The following PAK5 variants were observed in gnomAD, a reference collection of about 807,000 sequenced individuals.
PAK5 encodes the protein serine/threonine-protein kinase PAK 5.
A neutral mutation model predicts 65.9 loss-of-function variants in PAK5; 16 were observed. The ratio of observed to expected loss-of-function variants is 0.24; its 90% CI spans 0.16 to 0.37. The LOEUF is 0.37. Among genes scored for constraint, PAK5 ranks in the 10% least tolerant of loss-of-function variants. The pLI is 1.00. For missense variants in PAK5, 785 were observed against 903.9 expected, an observed-to-expected ratio of 0.87 and a Z score of 1.69; for synonymous variants, 371 against 354.9, an observed-to-expected ratio of 1.05 and a Z score of -0.51.
chr20:9,828,613 G>A (rs754828004), intron 1 of PAK5, among the ~76,000 whole-genome samples: 1 of 152,140 alleles, frequency 6.6e-6, no homozygotes, highest in African/African-American at 2.4e-5. Context: ...CAACACAGCT[G>A]ACAGCTAAAA....
intron 3 of PAK5, among the ~76,000 whole-genome samples, chr20:9,587,297 C>T (rs1003363754): frequency 1.3e-5 from 2 of 152,080 alleles, no homozygotes; most frequent in African/African-American, 4.8e-5. Flanking sequence ...CTATTAGTAA[C>T]TTTAGATACA....
chr20:9,627,752 G>A lies in PAK5; in HGVS notation c.204+16373C>T, dbSNP rs147385958. 2.7e-3 allele frequency among the ~76,000 whole-genome samples: 407 copies of A among 151,810 alleles called. 2 individuals are homozygous for A. The highest frequency in any genetic ancestry group is 9.0e-3 in the African/African-American group (372 of 41,398). ...AGTGATTCTCCTGCCTCAGCCTCCC[G>A]AGTAGCTGGGATTACAGGTGCCCGC... On this transcript the variant is annotated intron_variant, in intron 3 of 9. Coordinates refer to ENST00000353224, the MANE Select transcript of PAK5 (RefSeq NM_177990.4).
At chr20:9,657,833 C>A (rs1047664912) in intron 2 of PAK5, among the ~76,000 whole-genome samples, 2 of 152,146 alleles carry the variant, frequency 1.3e-5, no homozygotes, top group Non-Finnish European at 2.9e-5. Context: ...AAATGATTTG[C>A]CTTGTTCAAG....
chr20:9,829,091 A>G (rs1978506716), intron 1 of PAK5, among the ~76,000 whole-genome samples: 1 of 152,204 alleles, frequency 6.6e-6, no homozygotes, highest in Non-Finnish European at 1.5e-5. Flanking sequence ...AAATCCCACA[A>G]CTGGACATCT....
chr20:9,595,562 A>T (rs989411901), intron 3 of PAK5, among the ~76,000 whole-genome samples: 3 of 152,222 alleles, frequency 2.0e-5, no homozygotes, highest in Non-Finnish European at 4.4e-5. Context: ...AAAGCAAAAC[A>T]CACACATCAG....
chr20:9,629,726 A>G (rs1411133106), intron 3 of PAK5, among the ~76,000 whole-genome samples: 2 of 152,240 alleles, frequency 1.3e-5, no homozygotes, highest in East Asian at 1.9e-4. Context: ...TCTTTAAACA[A>G]TGTCACATTG....
intron 8 of PAK5, among the ~76,000 whole-genome samples, chr20:9,543,537 G>T (rs1453201362): frequency 6.6e-6 from 1 of 151,912 alleles, no homozygotes; most frequent in African/African-American, 2.4e-5. Context: ...CTCATCCAAG[G>T]TCAAGCAAAC....
At chr20:9,634,983 G>C (rs1297793447) in intron 3 of PAK5, among the ~76,000 whole-genome samples, 1 of 152,094 alleles carries the variant, frequency 6.6e-6, no homozygotes, top group Non-Finnish European at 1.5e-5. Context: ...CTCCCGCTGA[G>C]GGCCTTGGTT....
chr20:9,748,120 A>G (rs930632687), intron 1 of PAK5, among the ~76,000 whole-genome samples: 2 of 152,070 alleles, frequency 1.3e-5, no homozygotes, highest in African/African-American at 4.8e-5. Flanking sequence ...CTAGGAATCC[A>G]ACTTACAAGG....
At chr20:9,769,682 T>TA in intron 1 of PAK5, among the ~76,000 whole-genome samples, 1 of 152,364 alleles carries the variant, frequency 6.6e-6, no homozygotes, top group South Asian at 2.1e-4. Flanking sequence ...AGCTATGGGC[T>TA]AGAGAGCACA....
At chr20:9,571,172 G>T (rs1014805904) in intron 4 of PAK5, among the ~76,000 whole-genome samples, 6 of 152,214 alleles carry the variant, frequency 3.9e-5, no homozygotes, top group African/African-American at 1.4e-4. Flanking sequence ...CAAGTGAGGG[G>T]ACATGTAGTC....
At chr20:9,812,159 G>A (rs761588324) in intron 1 of PAK5, among the ~76,000 whole-genome samples, 15 of 151,978 alleles carry the variant, frequency 9.9e-5, no homozygotes, top group Non-Finnish European at 8.8e-5. Flanking sequence ...TAGGAAGACA[G>A]CATTAAAATA....
chr20:9,617,533 C>T (rs1439763788), intron 3 of PAK5, among the ~76,000 whole-genome samples: 1 of 151,022 alleles, frequency 6.6e-6, no homozygotes, highest in African/African-American at 2.4e-5. Context: ...AGGGATGAGA[C>T]CCAAGAATCC....
rs111720875 is a variant in PAK5 at position 9,834,078 on chromosome 20, T to C, written c.-162+4684A>G. On this transcript the variant is annotated intron_variant, in intron 1 of 9. Coordinates refer to ENST00000353224, the MANE Select transcript of PAK5 (RefSeq NM_177990.4). ...TTAGGCTTTAATTGATCCCATTGTG[T>C]ATCCATCACTTTTAAACAAAATCAA... Among the ~76,000 whole-genome samples, 906 of 152,342 alleles carry C rather than the reference T, an allele frequency of 5.9e-3. 7 individuals carry two copies. Among genetic ancestry groups the C allele is most frequent in the African/African-American group, 0.02 (845 of 41,576 alleles).
In PAK5 at chr20:9,809,786, A is replaced by T. The variant is rs6141043; in HGVS notation, c.-162+28976T>A. Among the ~76,000 whole-genome samples the T allele has an allele frequency of 5.1e-4, 78 of 152,288 alleles. No individual in the cohort carries two copies. In the East Asian group the frequency reaches 0.014, roughly 27 times the overall value. On this transcript the variant is annotated intron_variant, in intron 1 of 9. Coordinates refer to ENST00000353224, the MANE Select transcript of PAK5 (RefSeq NM_177990.4). ...TGTCACTGATTTTTAAAAGCTTATG[A>T]ACTACCTAACATAACAGGTTTACCA...
intron 1 of PAK5, among the ~76,000 whole-genome samples, chr20:9,788,773 T>A (rs1028957632): frequency 8.5e-5 from 13 of 152,254 alleles, no homozygotes; most frequent in African/African-American, 3.1e-4. Context: ...ACAAAGGGGT[T>A]CCAAGATTCA....
intron 1 of PAK5, among the ~76,000 whole-genome samples, chr20:9,822,475 T>C (rs1026630660): frequency 6.6e-6 from 1 of 152,170 alleles, no homozygotes; most frequent in Non-Finnish European, 1.5e-5. Context: ...ACACCTATAG[T>C]TATATCATCT....
intron 6 of PAK5, among the ~76,000 whole-genome samples, chr20:9,558,441 T>C (rs1414123088): frequency 1.3e-5 from 2 of 152,106 alleles, no homozygotes; most frequent in African/African-American, 2.4e-5. Flanking sequence ...GATAATTCCA[T>C]AGGCATCAAC....
intron 2 of PAK5, among the ~76,000 whole-genome samples, chr20:9,687,666 A>G (rs1418182727): frequency 6.6e-6 from 1 of 152,114 alleles, no homozygotes; most frequent in Non-Finnish European, 1.5e-5. Context: ...AGATACGGCC[A>G]AACACTTTTT....
Sources: allele counts gnomAD v4.1 joint callset (sites outside exome capture counted in the v4.1 genomes callset), GRCh38; gene constraint gnomAD v4.1.1; transcripts MANE v1.5; gene names NCBI Gene and HGNC (gene_info 2026-07-23, HGNC 2026-07-21).